Variants in TERB1 observed in about 807,000 individuals in gnomAD.
TERB1 encodes telomere repeats-binding bouquet formation protein 1.
Under a neutral mutation model 92.3 loss-of-function variants are expected in TERB1, and 63 were observed. The observed-to-expected ratio is 0.68, with a 90% CI of 0.56 to 0.84. TERB1 has a LOEUF of 0.84. Ranked by LOEUF, TERB1 falls within the 40% of genes least tolerant of loss-of-function variation. The pLI is 0.00. For missense variants in TERB1, 709 were observed against 843.7 expected (o/e 0.84, Z 1.98); for synonymous variants, 252 against 283.9 (o/e 0.89, Z 1.13).
rs919493430 is a variant in TERB1 at position 66,758,711 on chromosome 16, A to G, written c.1996+62T>C. On this transcript the variant is annotated intron_variant, in intron 18 of 18. Transcript: ENST00000433154. The stretch of plus-strand genomic sequence containing the variant: ...AGCCGAGATTGCTCCACTGCACTCC[A>G]TCCTGGGTAACAGAGCCAGACCCTG... 40 of 1,034,794 alleles carry G rather than the reference A, an allele frequency of 3.9e-5. No individual in the cohort carries two copies. In the East Asian group the frequency reaches 1.0e-3, roughly 27 times the overall value. The allele number at this position is 1,034,794 out of a possible 1,614,324, so 64.1% of individuals were successfully genotyped here.
At chr16:66,766,696 A>G (rs1012267756) in intron 16 of TERB1, among the ~76,000 whole-genome samples, 8 of 152,276 alleles carry the variant, frequency 5.3e-5, no homozygotes, top group African/African-American at 1.9e-4. Context: ...TTAAATTCAT[A>G]GATGGTATTA....
chr16:66,790,752 T>C, intron 4 of TERB1, 29 bp from the exon 5 acceptor site: 3 of 1,543,540 alleles, frequency 1.9e-6, no homozygotes, highest in Non-Finnish European at 2.6e-6. Flanking sequence ...AAAAACAAAA[T>C]AGAAATGATA....
intron 3 of TERB1, among the ~76,000 whole-genome samples, chr16:66,796,216 T>G (rs1567480575): frequency 6.6e-6 from 1 of 152,198 alleles, no homozygotes; most frequent in Non-Finnish European, 1.5e-5. Context: ...AGTGGAAAAT[T>G]CAGTCCTCAG....
intron 12 of TERB1, 146 bp downstream of exon 12, chr16:66,774,972 C>T: frequency 1.3e-6 from 1 of 763,884 alleles, no homozygotes; most frequent in African/African-American, 1.8e-5. Flanking sequence ...GCTGGGATTA[C>T]AGGCATGAGC....
chr16:66,758,621 A>C lies in TERB1; in HGVS notation c.1996+152T>G, dbSNP rs2018175841. 2.3e-5 allele frequency: 12 copies of C among 531,954 alleles called. No individual in the cohort carries two copies. The East Asian group carries it at 4.0e-4, about 18-fold the overall frequency. The allele number at this position is 531,954 out of a possible 1,614,324, so 33.0% of individuals were successfully genotyped here. Reference sequence around the variant, plus strand: ...CAGGGTGTGGTGGCACATGTCTGTAATCCCAGCTACTTAGGAGGCTGAGGC... The same window carrying C: ...CAGGGTGTGGTGGCACATGTCTGTACTCCCAGCTACTTAGGAGGCTGAGGC... On this transcript the variant is annotated intron_variant, in intron 18 of 18. Transcript: ENST00000433154.
Position 66,770,272 on chromosome 16 carries a change from G to A in TERB1, c.1310C>T (p.Ser437Leu). 2.6e-6 allele frequency: 4 copies of A among 1,550,244 alleles called. No homozygotes were observed. In the South Asian group the frequency reaches 4.8e-5, roughly 19 times the overall value. Residue 437 changes from serine to leucine, a missense_variant, in exon 14 of 19, where the codon TCA (serine) becomes TTA (leucine). By Grantham distance (145) the Ser-to-Leu change is moderately radical (BLOSUM62 -2). Coordinates refer to ENST00000433154, the MANE Select transcript of TERB1 (RefSeq NM_001136505.2). ...ATTCTGAATACTTATGTTCATAGAT[G>A]AAATATTATCCTGATAGTTTTCTCT... ...IQRENYQDNI[S>L]SMNISIQNTW...
Position 66,770,084 on chromosome 16 carries a change from G to T in TERB1, c.1498C>A (p.Pro500Thr). ...QMKTPLKSAN[P>T]VHACYRESEQ... The stretch of plus-strand genomic sequence containing the variant: ...CTCTCCCTGTAACAAGCATGGACTG[G>T]ATTTGCGCTCTTTAACGGTGTCTTC... Residue 500 changes from proline to threonine, a missense_variant, in exon 14 of 19, where the codon CCA becomes ACA. Pro to Thr is a conservative substitution (Grantham distance 38, BLOSUM62 -1). Coordinates refer to ENST00000433154, the MANE Select transcript of TERB1 (RefSeq NM_001136505.2). 1 of 1,551,956 alleles carries T rather than the reference G, an allele frequency of 6.4e-7. No individual in the cohort carries two copies. Among genetic ancestry groups the T allele is most frequent in the Non-Finnish European group, 8.7e-7 (1 of 1,147,054 alleles).
At chr16:66,773,152 A>T (rs2018481996) in intron 12 of TERB1, among the ~76,000 whole-genome samples, 1 of 146,392 alleles carries the variant, frequency 6.8e-6, no homozygotes, top group Non-Finnish European at 1.5e-5. Flanking sequence ...AATATGGTGA[A>T]ACTCCACCTC....
At chr16:66,765,335 C>G (rs1034680019) in intron 16 of TERB1, among the ~76,000 whole-genome samples, 2 of 152,156 alleles carry the variant, frequency 1.3e-5, no homozygotes, top group Non-Finnish European at 2.9e-5. Flanking sequence ...TCTGTCAGAT[C>G]CAAGACAACT....
At chr16:66,758,973 AACAGTC>A (rs1377608274) in intron 17 of TERB1, 135 bp from the exon 18 acceptor site, 6 of 944,792 alleles carry the variant, frequency 6.4e-6, no homozygotes, top group Non-Finnish European at 9.5e-6. Flanking sequence ...TTTTTAAACC[AACAGTC>A]TAAGACTACT....
intron 3 of TERB1, among the ~76,000 whole-genome samples, chr16:66,793,105 G>T (rs1396703982): frequency 6.7e-6 from 1 of 149,814 alleles, no homozygotes; most frequent in Non-Finnish European, 1.5e-5. Flanking sequence ...AGTTCTGAAA[G>T]ATATAGGATG....
chr16:66,768,894 G>A (rs533380364), intron 14 of TERB1, among the ~76,000 whole-genome samples: 2 of 152,044 alleles, frequency 1.3e-5, no homozygotes, highest in African/African-American at 2.4e-5. Context: ...ACCTGAGGTC[G>A]CGAGTTCAAG....
rs561945990 is a variant in TERB1, at chr16:66,766,728, A to C, written c.1780+687T>G. On this transcript the variant is annotated intron_variant, in intron 16 of 18. Transcript: ENST00000433154. ...ATTAAGACAAAAAGATAATAAAGTA[A>C]TAAAAAGGTACTAACTGTGTTTATT... is the stretch of plus-strand genomic sequence containing the variant. Among the ~76,000 whole-genome samples the C allele has an allele frequency of 4.0e-4, 61 of 152,370 alleles. 1 individual carries two copies. Among genetic ancestry groups the C allele is most frequent in the African/African-American group, 1.4e-3 (58 of 41,586 alleles).
At chr16:66,797,234 C>CTTT (rs570658663) in intron 2 of TERB1, among the ~76,000 whole-genome samples, 1 of 137,868 alleles carries the variant, frequency 7.3e-6, no homozygotes, top group African/African-American at 2.6e-5. Context: ...CATTTCCTTC[C>CTTT]TTTTTTTTTT....
In TERB1 at chr16:66,785,854, T is replaced by C. The variant is rs1193858812; in HGVS notation, c.632A>G (p.Lys211Arg). 2 of 1,549,636 alleles carry C rather than the reference T, an allele frequency of 1.3e-6. No individual in the cohort carries two copies. Among genetic ancestry groups the C allele is most frequent in the East Asian group, 4.9e-5 (2 of 40,824 alleles). Residue 211 changes from lysine to arginine, a missense_variant, in exon 9 of 19, where the codon AAA becomes AGA. Coordinates refer to ENST00000433154, the MANE Select transcript of TERB1 (RefSeq NM_001136505.2). ...SLFPHANEWL[K>R]NCTTPEIIRP... is the part of the protein sequence containing the mutation. ...AATTATCTCAGGTGTCGTGCAATTT[T>C]TTAGCCATTCATTAGCATGTGGAAA...
chr16:66,791,962 C>T (rs1014499140), intron 3 of TERB1, among the ~76,000 whole-genome samples: 3 of 152,032 alleles, frequency 2.0e-5, no homozygotes, highest in Non-Finnish European at 2.9e-5. Context: ...TACCTTTATA[C>T]CAAAACGGAA....
At chr16:66,793,944 C>T (rs8061930) in intron 3 of TERB1, among the ~76,000 whole-genome samples, 77,068 of 152,036 alleles carry the variant, frequency 0.51, 20,411 homozygotes, top group African/African-American at 0.64. Context: ...AAATATTTAT[C>T]TATCATTTTG....
In TERB1 at chr16:66,791,007, T is replaced by C. The variant is rs2018824757; in HGVS notation, c.44A>G (p.Asp15Gly). Residue 15 changes from aspartate (D) to glycine (G), a missense_variant, in exon 4 of 19, where the codon GAC becomes GGC. By Grantham distance (94) the Asp-to-Gly change is moderately conservative. Transcript: ENST00000433154. ...DTKKTQEMKT[D>G]LNLLLECLKY... ...TAGACACTCCAATAATAAGTTCAGGTCAGTCTTCATTTCTAAAGAACAAAA... is the reference window on the plus strand; with the variant it reads ...TAGACACTCCAATAATAAGTTCAGGCCAGTCTTCATTTCTAAAGAACAAAA... The C allele has an allele frequency of 6.6e-7, 1 of 1,525,680 alleles. No individual in the cohort carries two copies. The highest frequency in any genetic ancestry group is 8.8e-7 in the Non-Finnish European group (1 of 1,132,002). The allele number at this position is 1,525,680 out of a possible 1,614,324, so 94.5% of individuals were successfully genotyped here.
At chr16:66,777,024 A>T (rs75827703) in intron 11 of TERB1, among the ~76,000 whole-genome samples, 179 bp downstream of exon 11, 21 of 152,314 alleles carry the variant, frequency 1.4e-4, no homozygotes, top group Non-Finnish European at 2.4e-4. Flanking sequence ...GGTCTTAATG[A>T]CTGACTTAAT....
Sources: allele counts gnomAD v4.1 joint callset (sites outside exome capture counted in the v4.1 genomes callset), GRCh38; gene constraint gnomAD v4.1.1; transcripts MANE v1.5; gene names NCBI Gene and HGNC (gene_info 2026-07-23, HGNC 2026-07-21).